RHOBTB3: variants seen among roughly 807,000 people sequenced by gnomAD.
RHOBTB3 encodes the protein Rho related BTB domain containing 3, also known as rho-related BTB domain-containing protein 3.
RHOBTB3 carries 47 observed loss-of-function variants against 67.2 expected under a neutral mutation model. The observed-to-expected ratio is 0.70, with a 90% CI of 0.55 to 0.89. The LOEUF is 0.89. Among genes scored for constraint, RHOBTB3 ranks in the 40% least tolerant of loss-of-function variants. The pLI, the probability that RHOBTB3 is intolerant of heterozygous loss-of-function variation, is 0.00. For missense variants in RHOBTB3, 631 were observed against 750.0 expected (o/e 0.84, Z 1.85); for synonymous variants, 273 against 274.2 (o/e 1.00, Z 0.04).
At chr5:95,783,373 C>T (rs538008693) in intron 9 of RHOBTB3, among the ~76,000 whole-genome samples, 77 of 151,562 alleles carry the variant, frequency 5.1e-4, no homozygotes, top group South Asian at 1.2e-3. Context: ...CCGCCCACCT[C>T]GGCCTCCCCA....
rs981114184 is a variant in RHOBTB3, at chr5:95,794,059, G to T, written c.*885G>T. 1 of 456,244 alleles carries T rather than the reference G, an allele frequency of 2.2e-6. No individual in the cohort carries two copies. Among genetic ancestry groups the T allele is most frequent in the Non-Finnish European group, 4.4e-6 (1 of 226,944 alleles). 28.3% of individuals were successfully genotyped at this position (456,244 alleles called of 1,614,324 possible). The stretch of plus-strand genomic sequence containing the variant: ...TAAAGGGAAGAGAAGGAGGCTCACC[G>T]GAGGGAAGAGAACATAGTGAAGATT... On this transcript the variant is annotated 3_prime_UTR_variant, in exon 12 of 12. Coordinates refer to ENST00000379982, the MANE Select transcript of RHOBTB3 (RefSeq NM_014899.4).
At chr5:95,778,175 A>T (rs1745945476) in intron 8 of RHOBTB3, among the ~76,000 whole-genome samples, 1 of 151,574 alleles carries the variant, frequency 6.6e-6, no homozygotes, top group African/African-American at 2.4e-5. Flanking sequence ...GGTTCCAAGG[A>T]CCTCCTGCAG....
Position 95,718,946 on chromosome 5 carries a change from C to T in RHOBTB3, n.133+1181C>T, listed in dbSNP as rs112298257. 8.1e-3 allele frequency among the ~76,000 whole-genome samples: 1,238 copies of T among 152,170 alleles called. 15 individuals carry two copies. The highest frequency in any genetic ancestry group is 0.026 in the African/African-American group (1,097 of 41,492). On this transcript the variant is annotated intron_variant and non_coding_transcript_variant, in intron 1 of 5. Transcript: ENST00000504949. ...GCTGCTTGTCCAAGTTGTTGGATAA[C>T]TGAATGTGTTGTTTTAGATGTGGAG...
At chr5:95,735,648 G>T (rs558224797) in intron 2 of RHOBTB3, among the ~76,000 whole-genome samples, 1 of 152,132 alleles carries the variant, frequency 6.6e-6, no homozygotes, top group Non-Finnish European at 1.5e-5. Flanking sequence ...TTACATCCTA[G>T]AAATGTGTAC....
chr5:95,743,645 C>CTG (rs1453738042), intron 3 of RHOBTB3, among the ~76,000 whole-genome samples: 6 of 150,608 alleles, frequency 4.0e-5, no homozygotes, highest in Non-Finnish European at 7.4e-5. Context: ...CCCTCCCTCT[C>CTG]TTTCTCCTTC....
intron 4 of RHOBTB3, among the ~76,000 whole-genome samples, chr5:95,751,057 G>T (rs926300291): frequency 6.6e-6 from 1 of 152,194 alleles, no homozygotes; most frequent in African/African-American, 2.4e-5. Context: ...TGTGTGGTGG[G>T]TGGGCCTCCA....
chr5:95,793,029 C>A, intron 11 of RHOBTB3, 30 bp from the exon 12 acceptor site: 1 of 1,422,502 alleles, frequency 7.0e-7, no homozygotes, highest in Non-Finnish European at 9.9e-7. Flanking sequence ...AAAACATATT[C>A]GGTTAACAGT....
intron 7 of RHOBTB3, chr5:95,767,762 A>T (rs1386868540): frequency 1.4e-6 from 1 of 697,134 alleles, no homozygotes. Flanking sequence ...ACAAAGACTC[A>T]TAGGGTTTCA....
chr5:95,733,462 G>A (rs548654864), intron 2 of RHOBTB3, among the ~76,000 whole-genome samples: 54 of 152,302 alleles, frequency 3.5e-4, no homozygotes, highest in Admixed American at 1.3e-3. Flanking sequence ...TTGCTTTCCC[G>A]TATTTAATTT....
chr5:95,759,062 G>T (rs1281576868), intron 6 of RHOBTB3, among the ~76,000 whole-genome samples: 1 of 152,256 alleles, frequency 6.6e-6, no homozygotes, highest in Non-Finnish European at 1.5e-5. Context: ...AGGAAAAATG[G>T]ATGCCTAGTG....
intron 8 of RHOBTB3, among the ~76,000 whole-genome samples, chr5:95,771,215 G>A (rs1009472105): frequency 6.6e-6 from 1 of 152,174 alleles, no homozygotes; most frequent in African/African-American, 2.4e-5. Context: ...CCTTCAGTTA[G>A]GCAAGAAAGA....
chr5:95,763,394 TG>T, intron 6 of RHOBTB3, 113 bp from the exon 7 acceptor site: 1 of 651,198 alleles, frequency 1.5e-6, no homozygotes. Flanking sequence ...GATGTATATC[TG>T]GTAAAGAAAA....
chr5:95,744,969 G>T (rs1744828384), intron 3 of RHOBTB3, among the ~76,000 whole-genome samples: 1 of 151,848 alleles, frequency 6.6e-6, no homozygotes, highest in African/African-American at 2.4e-5. Context: ...CACTAGGTAG[G>T]CTGAGGTGGG....
At chr5:95,752,792 G>A (rs1055924090) in intron 5 of RHOBTB3, among the ~76,000 whole-genome samples, 1 of 152,060 alleles carries the variant, frequency 6.6e-6, no homozygotes, top group African/African-American at 2.4e-5. Flanking sequence ...GCATCATAAT[G>A]GTATTGTGAT....
chr5:95,735,259 C>CTT lies in RHOBTB3; in HGVS notation c.229-1615_229-1614dup, dbSNP rs10718378. Reference sequence around the variant, plus strand: ...TTGTTGTTTATAGTCCATATTTTGCCTTTTTTTTTTTTTTTTGGTTCTTTT... The same window carrying CTT: ...TTGTTGTTTATAGTCCATATTTTGCCTTTTTTTTTTTTTTTTTTGGTTCTTTT... On this transcript the variant is annotated intron_variant, in intron 2 of 11. Coordinates refer to ENST00000379982, the MANE Select transcript of RHOBTB3 (RefSeq NM_014899.4). Among the ~76,000 whole-genome samples, 56 of 133,684 alleles carry CTT rather than the reference C, an allele frequency of 4.2e-4. 1 individual carries two copies. Among genetic ancestry groups the CTT allele is most frequent in the South Asian group, 1.4e-3 (6 of 4,160 alleles). 87.7% of individuals were successfully genotyped at this position (133,684 alleles called of 152,430 possible).
chr5:95,736,947 T>C lies in RHOBTB3; in HGVS notation c.287T>C (p.Ile96Thr). ...AATCTAATTGGGGGCGCTGACATCA[T>C]TGTGATCAAATACAACGTTAATGAC... ...SRNLIGGADI[I>T]VIKYNVNDKF... Residue 96 changes from isoleucine (I) to threonine (T), a missense_variant, in exon 3 of 12, where the codon ATT (isoleucine) becomes ACT (threonine). Coordinates refer to ENST00000379982, the MANE Select transcript of RHOBTB3 (RefSeq NM_014899.4). The C allele has an allele frequency of 6.2e-7, 1 of 1,613,110 alleles. No homozygotes were observed. Among genetic ancestry groups the C allele is most frequent in the Non-Finnish European group, 8.5e-7 (1 of 1,179,528 alleles).
chr5:95,727,151 T>A (rs1231337125), upstream of RHOBTB3, among the ~76,000 whole-genome samples: 2 of 152,232 alleles, frequency 1.3e-5, no homozygotes, highest in East Asian at 1.9e-4. Context: ...AATATTTTTT[T>A]AAAAGACAGC....
chr5:95,764,188 CT>C (rs1308534331), intron 7 of RHOBTB3, among the ~76,000 whole-genome samples: 1 of 152,172 alleles, frequency 6.6e-6, no homozygotes, highest in African/African-American at 2.4e-5. Flanking sequence ...CGAATTCTGC[CT>C]TCTGAAACAT....
At chr5:95,750,061 A>G (rs1005235795) in intron 4 of RHOBTB3, among the ~76,000 whole-genome samples, 2 of 152,252 alleles carry the variant, frequency 1.3e-5, no homozygotes, top group African/African-American at 4.8e-5. Context: ...CAAGATCAGA[A>G]TGGTATCATT....
Sources: allele counts gnomAD v4.1 joint callset (sites outside exome capture counted in the v4.1 genomes callset), GRCh38; gene constraint gnomAD v4.1.1; transcripts MANE v1.5; gene names NCBI Gene and HGNC (gene_info 2026-07-23, HGNC 2026-07-21).